Variants in KANK1 observed in about 807,000 individuals in gnomAD.
KANK1 encodes KN motif and ankyrin repeat domain-containing protein 1.
KANK1 carries 109 observed loss-of-function variants against 106.2 expected under a neutral mutation model. That is an observed-to-expected ratio of 1.03 (90% CI 0.88 to 1.20). KANK1 has a LOEUF of 1.20. Among genes scored for constraint, KANK1 ranks in the 50% most tolerant of loss-of-function variants. KANK1 has a pLI of 0.00. For synonymous variants in KANK1, 873 were observed against 652.2 expected, an observed-to-expected ratio of 1.34 and a Z score of -5.16; for missense variants, 2,399 against 1,710.7, an observed-to-expected ratio of 1.40 and a Z score of -7.10.
chr9:736,789 T>C (rs542439283), intron 7 of KANK1, among the ~76,000 whole-genome samples: 1 of 152,326 alleles, frequency 6.6e-6, no homozygotes, highest in Non-Finnish European at 1.5e-5. Flanking sequence ...GGCTATACCC[T>C]GGTCACTAGT....
intron 1 of KANK1, among the ~76,000 whole-genome samples, chr9:638,833 A>G (rs1470487316): frequency 1.3e-5 from 2 of 152,178 alleles, no homozygotes; most frequent in African/African-American, 4.8e-5. Context: ...TCTCTCTGCC[A>G]TTCAATTTGA....
chr9:626,760 C>T (rs544206283), intron 1 of KANK1, among the ~76,000 whole-genome samples: 4 of 152,054 alleles, frequency 2.6e-5, no homozygotes, highest in African/African-American at 9.7e-5. Flanking sequence ...ACAGTACTCT[C>T]ACATCCACCC....
intron 3 of KANK1, among the ~76,000 whole-genome samples, chr9:716,812 A>C (rs1162439696): frequency 1.3e-5 from 2 of 152,186 alleles, no homozygotes; most frequent in Non-Finnish European, 2.9e-5. Context: ...TTGTCTCTAC[A>C]AAAAAATTTT....
At chr9:513,453 A>G (rs1391904686) in intron 1 of KANK1, among the ~76,000 whole-genome samples, 1 of 152,210 alleles carries the variant, frequency 6.6e-6, no homozygotes, top group Non-Finnish European at 1.5e-5. Flanking sequence ...CATTTAGTTA[A>G]TACAATTGAG....
rs1036547138 is a variant in KANK1 at position 693,269 on chromosome 9, A to G, written c.37+16260A>G. 4 of 529,276 alleles carry G rather than the reference A, an allele frequency of 7.6e-6. No homozygotes were observed. In the Admixed American group the frequency reaches 1.9e-4, roughly 25 times the overall value. 32.8% of individuals were successfully genotyped at this position (529,276 alleles called of 1,614,324 possible). A position where few individuals can be genotyped will look rare whatever the true frequency, so the allele number is the denominator to read the frequency against. ...GCCTCCATTCCAGCCTCGGTTCAGC[A>G]TAAAACTCAATCATTTCCTTCACAA... On this transcript the variant is annotated intron_variant, in intron 2 of 11. Coordinates refer to ENST00000382297, the MANE Select transcript of KANK1 (RefSeq NM_015158.5).
At chr9:512,230 A>AGTGTGTGTGTGT (rs71678968) in intron 1 of KANK1, among the ~76,000 whole-genome samples, 42 of 136,970 alleles carry the variant, frequency 3.1e-4, no homozygotes, top group African/African-American at 1.3e-3. Flanking sequence ...CATAACCAAT[A>AGTGTGTGTGTGT]GTGTGTGTGT....
chr9:604,187 C>G (rs1828500602), intron 1 of KANK1, among the ~76,000 whole-genome samples: 1 of 151,630 alleles, frequency 6.6e-6, no homozygotes, highest in African/African-American at 2.4e-5. Context: ...TTAAATTTGT[C>G]TCTTTCCTGG....
intron 1 of KANK1, among the ~76,000 whole-genome samples, chr9:542,069 A>G (rs923261009): frequency 5.9e-4 from 90 of 151,970 alleles, no homozygotes; most frequent in African/African-American, 2.0e-3. Context: ...AGCCTGGGCG[A>G]CAGAGCGAGA....
chr9:484,038 T>G (rs563811733), intron 3 of KANK1, among the ~76,000 whole-genome samples: 34 of 152,242 alleles, frequency 2.2e-4, no homozygotes, highest in South Asian at 1.0e-3. Flanking sequence ...GCAGGTAGGG[T>G]GCCAGTTTGC....
chr9:643,292 CTTT>C (rs966552929), intron 1 of KANK1, among the ~76,000 whole-genome samples: 3 of 150,784 alleles, frequency 2.0e-5, no homozygotes, highest in Non-Finnish European at 2.9e-5. Flanking sequence ...CTTTAAATAT[CTTT>C]TTGATTACTT....
chr9:710,097 G>T (rs1825519381), intron 2 of KANK1, among the ~76,000 whole-genome samples: 1 of 152,012 alleles, frequency 6.6e-6, no homozygotes, highest in South Asian at 2.1e-4. Flanking sequence ...ATTACCTATT[G>T]AGTACGGTGT....
chr9:475,137 T>C lies in KANK1; in HGVS notation c.-362+1864T>C, dbSNP rs757766304. 9.2e-5 allele frequency among the ~76,000 whole-genome samples: 14 copies of C among 152,244 alleles called. No individual in the cohort carries two copies. In the East Asian group the frequency reaches 1.2e-3, roughly 13 times the overall value. On this transcript the variant is annotated intron_variant, in intron 3 of 15. Transcript: ENST00000382303. ...CAGCTTCACAATAAGATCTCAGGAA[T>C]TGGGCAGGTGGGCTCAAGCATGTGC... is the stretch of plus-strand genomic sequence containing the variant.
intron 1 of KANK1, among the ~76,000 whole-genome samples, chr9:612,452 C>G (rs1279286590): frequency 2.6e-5 from 4 of 152,020 alleles, no homozygotes; most frequent in East Asian, 1.9e-4. Flanking sequence ...AGGTATCCCA[C>G]ATTATCGGTG....
chr9:585,433 C>T (rs552094912), intron 1 of KANK1, among the ~76,000 whole-genome samples: 1 of 152,330 alleles, frequency 6.6e-6, no homozygotes, highest in East Asian at 1.9e-4. Context: ...GATGATGGAA[C>T]AAGCTCCTTG....
intron 1 of KANK1, among the ~76,000 whole-genome samples, chr9:594,561 G>C (rs530432778): frequency 6.6e-6 from 1 of 151,850 alleles, no homozygotes; most frequent in Admixed American, 6.6e-5. Flanking sequence ...AAGTGAGCCA[G>C]AAATACTCTA....
At chr9:586,584 T>A (rs182715693) in intron 1 of KANK1, among the ~76,000 whole-genome samples, 50 of 152,224 alleles carry the variant, frequency 3.3e-4, no homozygotes, top group African/African-American at 1.1e-3. Context: ...ATTAACAGTT[T>A]TAGGAGAAAA....
chr9:497,880 C>G (rs2058483033), intron 3 of KANK1, among the ~76,000 whole-genome samples: 1 of 152,078 alleles, frequency 6.6e-6, no homozygotes, highest in African/African-American at 2.4e-5. Context: ...CACCCACACA[C>G]ACAAGAGTAT....
chr9:588,620 G>A (rs953311567), intron 1 of KANK1, among the ~76,000 whole-genome samples: 9 of 152,082 alleles, frequency 5.9e-5, no homozygotes, highest in Non-Finnish European at 1.2e-4. Flanking sequence ...AACATTCTAG[G>A]TATTCCTTTT....
intron 1 of KANK1, among the ~76,000 whole-genome samples, chr9:650,306 A>C (rs932403691): frequency 2.0e-5 from 3 of 152,204 alleles, no homozygotes; most frequent in Non-Finnish European, 4.4e-5. Context: ...TGCAAAGTGA[A>C]AGTAAAAGAT....
Sources: gnomAD v4.1 joint callset for allele counts (sites outside exome capture counted in the v4.1 genomes callset) on GRCh38, gnomAD v4.1.1 for gene constraint, MANE v1.5 for transcripts, NCBI Gene and HGNC (gene_info 2026-07-23, HGNC 2026-07-21) for gene names.